Variants in USP32 observed in about 807,000 individuals in gnomAD.
The protein encoded by USP32 is ubiquitin specific peptidase 32.
In USP32, 59 loss-of-function variants were observed where a neutral mutation model predicts 204.8. The ratio of observed to expected loss-of-function variants is 0.29; its 90% CI spans 0.23 to 0.36. The LOEUF (loss-of-function observed/expected upper bound fraction) is 0.36, where lower values mean the gene tolerates loss of function less well. Ranked by LOEUF, USP32 falls within the 10% of genes least tolerant of loss-of-function variation. The probability of loss-of-function intolerance (pLI) is 1.00; values close to 1 mark genes in which losing one functional copy is unlikely to be tolerated. For synonymous variants in USP32, 517 were observed against 678.4 expected, an observed-to-expected ratio of 0.76 and a Z score of 3.70; for missense variants, 1,160 against 1,946.4, an observed-to-expected ratio of 0.60 and a Z score of 7.60.
chr17:60,185,899 A>C (rs1312162360), intron 29 of USP32: 1 of 381,028 alleles, frequency 2.6e-6, no homozygotes, highest in Non-Finnish European at 4.8e-6. Context: ...CTGTCTCTGT[A>C]AAAGAAAAAT....
chr17:60,361,710 T>G (rs1205449495), intron 1 of USP32, among the ~76,000 whole-genome samples: 2 of 152,126 alleles, frequency 1.3e-5, no homozygotes, highest in Non-Finnish European at 2.9e-5. Context: ...TATCTAAGGG[T>G]AGCTGTTTAA....
At chr17:60,372,404 G>C (rs2089458397) in intron 1 of USP32, among the ~76,000 whole-genome samples, 1 of 152,114 alleles carries the variant, frequency 6.6e-6, no homozygotes, top group Admixed American at 6.6e-5. Context: ...AGGCTATATG[G>C]GATGGCCTAT....
At chr17:60,420,596 G>A (rs1367389549) in intron 1 of USP32, among the ~76,000 whole-genome samples, 1 of 152,174 alleles carries the variant, frequency 6.6e-6, no homozygotes, top group Non-Finnish European at 1.5e-5. Flanking sequence ...GAACCCGAGA[G>A]GCGGAAGTTG....
At chr17:60,421,799 G>A in intron 1 of USP32, 1 of 960,384 alleles carries the variant, frequency 1.0e-6, no homozygotes, top group Non-Finnish European at 1.2e-6. Context: ...GGTAGGAAGA[G>A]TCGGGGTGGC....
At chr17:60,239,764 G>A (rs137882581) in intron 11 of USP32, among the ~76,000 whole-genome samples, 20 of 151,988 alleles carry the variant, frequency 1.3e-4, no homozygotes, top group Admixed American at 8.5e-4. Flanking sequence ...ATGGAGTCTC[G>A]CTCTGTCACC....
At chr17:60,353,569 C>T (rs1260464826) in intron 1 of USP32, among the ~76,000 whole-genome samples, 1 of 151,916 alleles carries the variant, frequency 6.6e-6, no homozygotes, top group African/African-American at 2.4e-5. Flanking sequence ...GGAGAAACAC[C>T]ATCTCTACTA....
At chr17:60,201,702 A>G (rs2084680170) in intron 26 of USP32, among the ~76,000 whole-genome samples, 1 of 148,978 alleles carries the variant, frequency 6.7e-6, no homozygotes, top group South Asian at 2.1e-4. Flanking sequence ...TCTGTTGCCC[A>G]GGCTGGAATG....
intron 1 of USP32, among the ~76,000 whole-genome samples, chr17:60,350,902 T>C (rs1266162006): frequency 6.6e-6 from 1 of 152,132 alleles, no homozygotes; most frequent in Non-Finnish European, 1.5e-5. Flanking sequence ...TGAATTTTTT[T>C]TTTTAACTCA....
intron 1 of USP32, among the ~76,000 whole-genome samples, chr17:60,386,571 C>A (rs563473269): frequency 2.0e-5 from 3 of 152,152 alleles, no homozygotes; most frequent in Non-Finnish European, 4.4e-5. Context: ...GAGAAAATAT[C>A]TGGCTATGGG....
intron 21 of USP32, among the ~76,000 whole-genome samples, chr17:60,209,822 G>C (rs1212800828): frequency 6.6e-6 from 1 of 152,150 alleles, no homozygotes; most frequent in Non-Finnish European, 1.5e-5. Flanking sequence ...GCACACAGAT[G>C]TTATTTAAGA....
chr17:60,227,176 G>T (rs1279351285), intron 12 of USP32, among the ~76,000 whole-genome samples: 1 of 150,772 alleles, frequency 6.6e-6, no homozygotes, highest in Non-Finnish European at 1.5e-5. Context: ...ATCCTAAATA[G>T]CAGAGTCTTC....
Position 60,185,442 on chromosome 17 carries a change from G to A in USP32, c.3834+18C>T, listed in dbSNP as rs1172616110. ...TATGCCAGATTCCTGCTCTCTCAGA[G>A]GCAGGACTGTAACATACCAGGATGG... On this transcript the variant is annotated intron_variant, in intron 30 of 33. Transcript: ENST00000300896. The A allele has an allele frequency of 1.9e-6, 3 of 1,576,104 alleles. No homozygotes were observed. The highest frequency in any genetic ancestry group is 1.7e-6 in the Non-Finnish European group (2 of 1,153,698).
rs561428739 is a variant in USP32, at chr17:60,280,200, G to T, written c.571+8323C>A. 3.4e-3 allele frequency among the ~76,000 whole-genome samples: 512 copies of T among 152,124 alleles called. 2 individuals are homozygous for T. Among genetic ancestry groups the T allele is most frequent in the Non-Finnish European group, 4.3e-3 (289 of 67,980 alleles). The stretch of plus-strand genomic sequence containing the variant: ...CAACCTCCACCTCCTGGGTTCAAGC[G>T]ATTCTCCTGCCTCAGCCTCCCGAGT... On this transcript the variant is annotated intron_variant, in intron 5 of 33. Transcript: ENST00000300896.
At chr17:60,310,487 C>T (rs9891791) in intron 2 of USP32, among the ~76,000 whole-genome samples, 19,299 of 150,372 alleles carry the variant, frequency 0.13, 2,550 homozygotes, top group African/African-American at 0.33. Context: ...GATCATGAGG[C>T]GAAGAGATTA....
intron 5 of USP32, among the ~76,000 whole-genome samples, chr17:60,280,443 C>T (rs1012882435): frequency 1.1e-4 from 17 of 152,168 alleles, no homozygotes; most frequent in Non-Finnish European, 1.5e-5. Context: ...ATACAAATAG[C>T]TCCACAGTTT....
intron 9 of USP32, among the ~76,000 whole-genome samples, chr17:60,259,800 AAAT>A (rs2086409046): frequency 6.6e-6 from 1 of 152,194 alleles, no homozygotes; most frequent in African/African-American, 2.4e-5. Context: ...AAAACTGGGT[AAAT>A]AATTATCTTG....
At chr17:60,233,119 T>C (rs73322996) in intron 12 of USP32, among the ~76,000 whole-genome samples, 5,299 of 152,266 alleles carry the variant, frequency 0.035, 318 homozygotes, top group African/African-American at 0.12. Flanking sequence ...AATTACCTTA[T>C]TGAAGTTTCT....
intron 1 of USP32, among the ~76,000 whole-genome samples, chr17:60,390,427 C>T (rs1392112548): frequency 6.6e-6 from 1 of 152,166 alleles, no homozygotes; most frequent in Non-Finnish European, 1.5e-5. Context: ...AATGACTAGC[C>T]TACTAGGGCT....
Position 60,207,188 on chromosome 17 carries a change from G to A in USP32, c.2926-56C>T, listed in dbSNP as rs1391772812. On this transcript the variant is annotated intron_variant, in intron 24 of 33. Coordinates refer to ENST00000300896, the MANE Select transcript of USP32 (RefSeq NM_032582.4). ...GAGATGTTTCAGATAAAATGGAAAA[G>A]TTCTCTCTCTAACATATTTCAAAAG... The A allele has an allele frequency of 1.9e-6, 3 of 1,567,218 alleles. No homozygotes were observed. The East Asian group carries it at 6.9e-5, about 36-fold the overall frequency.
Sources: gnomAD v4.1 joint callset for allele counts (sites outside exome capture counted in the v4.1 genomes callset) on GRCh38, gnomAD v4.1.1 for gene constraint, MANE v1.5 for transcripts, NCBI Gene and HGNC (gene_info 2026-07-23, HGNC 2026-07-21) for gene names.